DGKD: variants seen among roughly 807,000 people sequenced by gnomAD.
DGKD encodes diacylglycerol kinase delta, also known as DAG kinase delta.
A neutral mutation model predicts 154.4 loss-of-function variants in DGKD; 68 were observed. The ratio of observed to expected loss-of-function variants is 0.44; its 90% CI spans 0.36 to 0.54. DGKD has a LOEUF of 0.54. Ranked by LOEUF, DGKD falls within the 20% of genes least tolerant of loss-of-function variation. The pLI is 0.00. For synonymous variants in DGKD, 693 were observed against 638.0 expected (o/e 1.09, Z -1.30); for missense variants, 1,343 against 1,593.6 (o/e 0.84, Z 2.68).
At chr2:233,442,069 C>A in intron 10 of DGKD, 74 bp downstream of exon 10, 1 of 1,290,276 alleles carries the variant, frequency 7.8e-7, no homozygotes, top group Non-Finnish European at 1.1e-6. Context: ...GCAGTCTCAG[C>A]TCCTGTTCAT....
At chr2:233,389,655 T>C (rs1419928823) in intron 2 of DGKD, among the ~76,000 whole-genome samples, 2 of 151,960 alleles carry the variant, frequency 1.3e-5, no homozygotes, top group Non-Finnish European at 2.9e-5. Context: ...CTTAAAAGAT[T>C]GAGTTTCTTT....
chr2:233,458,521 T>A lies in DGKD; in HGVS notation c.2694+124T>A. 4 of 599,242 alleles carry A rather than the reference T, an allele frequency of 6.7e-6. No individual in the cohort carries two copies. Among genetic ancestry groups the A allele is most frequent in the Non-Finnish European group, 1.2e-5 (4 of 347,046 alleles). The allele number at this position is 599,242 out of a possible 1,614,324, so 37.1% of individuals were successfully genotyped here. ...AGGGCCATGTGGCTGCCTCATGTCC[T>A]GTCCTGGACAGCTCGTGGCCCCACT... On this transcript the variant is annotated intron_variant, in intron 22 of 29. Coordinates refer to ENST00000264057, the MANE Select transcript of DGKD (RefSeq NM_152879.3). This position sits in a 1 kb window ranked among gnomAD's most constrained non-coding sequence, Gnocchi z 6.6.
At chr2:233,456,698 A>G (rs1392454056) in intron 19 of DGKD, among the ~76,000 whole-genome samples, 1 of 152,232 alleles carries the variant, frequency 6.6e-6, no homozygotes, top group Admixed American at 6.5e-5. Flanking sequence ...ACTATTGAGC[A>G]AAATTTCCTA....
At position 233,394,690 on chromosome 2, in the gene DGKD, CCTT is replaced by C. The variant is rs1176033513; in HGVS notation, c.348+4208_348+4210del. On this transcript the variant is annotated intron_variant, in intron 3 of 29. Transcript: ENST00000264057. The stretch of plus-strand genomic sequence containing the variant: ...TTCCTTATTATTTTGAATTTAATTC[CCTT>C]TTTTTTTTTTTTTTTTTTTTTTTTT... 1.4e-3 allele frequency among the ~76,000 whole-genome samples: 120 copies of C among 83,234 alleles called. 26 individuals are homozygous for C. Among genetic ancestry groups the C allele is most frequent in the African/African-American group, 4.8e-3 (109 of 22,678 alleles). 54.6% of individuals were successfully genotyped at this position (83,234 alleles called of 152,430 possible). A position where few individuals can be genotyped will look rare whatever the true frequency, so the allele number is the denominator to read the frequency against.
At chr2:233,380,251 G>A (rs1702816172) in intron 1 of DGKD, among the ~76,000 whole-genome samples, 1 of 152,212 alleles carries the variant, frequency 6.6e-6, no homozygotes, top group Non-Finnish European at 1.5e-5. Flanking sequence ...TGAACAGTGA[G>A]ATGAGGTACA....
chr2:233,436,547 C>T (rs1422003625), intron 7 of DGKD, 106 bp downstream of exon 7: 1 of 1,440,394 alleles, frequency 6.9e-7, no homozygotes, highest in African/African-American at 1.4e-5. Context: ...GTAAATTAAT[C>T]CCAGAGGCCC....
At chr2:233,363,653 C>T (rs1244132777) in intron 1 of DGKD, among the ~76,000 whole-genome samples, 1 of 152,224 alleles carries the variant, frequency 6.6e-6, no homozygotes, top group Non-Finnish European at 1.5e-5. Context: ...GAGCAACTTC[C>T]AGCCCTGCAA....
intron 3 of DGKD, among the ~76,000 whole-genome samples, chr2:233,397,757 G>T (rs1358294122): frequency 1.3e-5 from 2 of 152,052 alleles, no homozygotes; most frequent in Non-Finnish European, 2.9e-5. Flanking sequence ...GGGGAGGGAG[G>T]TTTGTAGGAT....
rs192817809 is a variant in DGKD at position 233,434,374 on chromosome 2, C to T, written c.349-6C>T. 1.2e-6 allele frequency: 2 copies of T among 1,612,302 alleles called. No homozygotes were observed. The highest frequency in any genetic ancestry group is 1.1e-5 in the South Asian group (1 of 91,010). ...ATGGATCTGTTGAACCTGTTTCTTT[C>T]TCTAGGTCATAACTCCATGCAGGAA... On this transcript the variant is annotated splice_region_variant and splice_polypyrimidine_tract_variant and intron_variant, in intron 3 of 29. Transcript: ENST00000264057.
At chr2:233,370,819 A>T (rs1349229483) in intron 1 of DGKD, among the ~76,000 whole-genome samples, 1 of 151,596 alleles carries the variant, frequency 6.6e-6, no homozygotes, top group East Asian at 1.9e-4. Context: ...TGGTGCAGTC[A>T]TGGCTCACTG....
At chr2:233,361,189 C>T (rs367702653) in intron 1 of DGKD, among the ~76,000 whole-genome samples, 7 of 152,114 alleles carry the variant, frequency 4.6e-5, no homozygotes, top group African/African-American at 1.7e-4. Flanking sequence ...TGACACCCTC[C>T]CCTCACAATT....
intron 3 of DGKD, among the ~76,000 whole-genome samples, chr2:233,425,442 C>T (rs963286772): frequency 1.3e-5 from 2 of 152,210 alleles, no homozygotes; most frequent in African/African-American, 4.8e-5. Flanking sequence ...CCGCCTCAGC[C>T]TCCCAAAGTG....
intron 3 of DGKD, among the ~76,000 whole-genome samples, chr2:233,405,331 C>G (rs759503787): frequency 6.6e-6 from 1 of 152,132 alleles, no homozygotes; most frequent in Non-Finnish European, 1.5e-5. Flanking sequence ...TCAGCCTGAT[C>G]AACATGGAGA....
intron 3 of DGKD, among the ~76,000 whole-genome samples, chr2:233,411,271 T>C (rs768798248): frequency 2.6e-5 from 4 of 152,196 alleles, no homozygotes; most frequent in African/African-American, 7.2e-5. Context: ...TGCTAAACTG[T>C]TTTCTGAAGT....
chr2:233,432,131 CCTGT>C (rs1191583212), intron 3 of DGKD, among the ~76,000 whole-genome samples: 1 of 144,874 alleles, frequency 6.9e-6, no homozygotes, highest in Non-Finnish European at 1.5e-5. Flanking sequence ...GTGGCTCATG[CCTGT>C]AATCCCAGCA....
In DGKD at chr2:233,435,920, A is replaced by T. The variant is rs773187224; in HGVS notation, c.689A>T (p.Asp230Val). The change falls in exon 6 of 30, where the codon GAT becomes GTT. Residue 230 changes from aspartate to valine, a missense_variant. By Grantham distance (152) the Asp-to-Val change is radical (BLOSUM62 -3). This residue lies in a region of DGKD where 332 missense variants were observed against 400.1 expected (regional missense o/e 0.83). Coordinates refer to ENST00000264057, the MANE Select transcript of DGKD (RefSeq NM_152879.3). ...GGGAAGGACATCATTGAAGATGCAG[A>T]TGGGGTATGTTAAGAAATACCACCT... ...SIGKDIIEDA[D>V]GIAMPHQWLE... 3 of 1,607,950 alleles carry T rather than the reference A, an allele frequency of 1.9e-6. No individual in the cohort carries two copies. The highest frequency in any genetic ancestry group is 2.7e-5 in the African/African-American group (2 of 74,568).
At chr2:233,433,371 G>A (rs904599514) in intron 3 of DGKD, among the ~76,000 whole-genome samples, 1 of 151,868 alleles carries the variant, frequency 6.6e-6, no homozygotes, top group African/African-American at 2.4e-5. Flanking sequence ...TCTTATTTGT[G>A]GGAGCTAATA....
intron 1 of DGKD, among the ~76,000 whole-genome samples, chr2:233,384,405 G>A (rs1314881833): frequency 6.6e-6 from 1 of 152,032 alleles, no homozygotes; most frequent in African/African-American, 2.4e-5. Context: ...CTGGGCCTCC[G>A]TGTACTCCAT....
intron 1 of DGKD, 161 bp from the exon 2 acceptor site, chr2:233,388,096 C>T (rs1002587676): frequency 4.7e-5 from 68 of 1,443,770 alleles, no homozygotes; most frequent in African/African-American, 5.7e-5. Flanking sequence ...CCCCCGGCAG[C>T]GTGCTGGGCC....
Sources: gnomAD v4.1 joint callset for allele counts (sites outside exome capture counted in the v4.1 genomes callset) on GRCh38, gnomAD v4.1.1 for gene constraint, gnomAD v4.1.1 regional missense constraint, Gnocchi (gnomAD v3.1) non-coding constraint, MANE v1.5 for transcripts, NCBI Gene and HGNC (gene_info 2026-07-23, HGNC 2026-07-21) for gene names.